The following RIMKLA variants were observed in gnomAD, a reference collection of about 807,000 sequenced individuals.
RIMKLA encodes N-acetylaspartylglutamate synthase A.
RIMKLA carries 14 observed loss-of-function variants against 32.7 expected under a neutral mutation model. The ratio of observed to expected loss-of-function variants is 0.43; its 90% CI spans 0.28 to 0.67. The LOEUF is 0.67. Among genes scored for constraint, RIMKLA ranks in the 30% least tolerant of loss-of-function variants. The pLI is 0.18. For missense variants in RIMKLA, 410 were observed against 519.0 expected (o/e 0.79, Z 2.04); for synonymous variants, 176 against 204.1 (o/e 0.86, Z 1.18).
Position 42,424,118 on chromosome 1 carries a change from T to C in RIMKLA, c.*9144T>C, listed in dbSNP as rs920077663. On this transcript the variant is annotated 3_prime_UTR_variant, in exon 5 of 5. Transcript: ENST00000431473. ...GACAACTGGTCTGTACTGTATTGCC[T>C]GATAGTATCATATCAATGTCAATTT... Among the ~76,000 whole-genome samples the C allele has an allele frequency of 6.6e-6, 1 of 152,244 alleles. No individual in the cohort carries two copies. The highest frequency in any genetic ancestry group is 1.5e-5 in the Non-Finnish European group (1 of 68,040).
rs764472229 is a variant in RIMKLA, at chr1:42,414,460, T to C, written c.686-24T>C. The stretch of plus-strand genomic sequence containing the variant: ...CATCTGACTTCTCAGTTGTCACCTT[T>C]ACATCACTGTGCTTTCCCCACAGGT... On this transcript the variant is annotated intron_variant, in intron 4 of 4. Coordinates refer to ENST00000431473, the MANE Select transcript of RIMKLA (RefSeq NM_173642.4). The C allele has an allele frequency of 6.8e-6, 11 of 1,610,382 alleles. No homozygotes were observed. In the African/African-American group the frequency reaches 1.5e-4, roughly 22 times the overall value.
chr1:42,388,623 A>G (rs1316716293), intron 1 of RIMKLA, among the ~76,000 whole-genome samples: 1 of 151,030 alleles, frequency 6.6e-6, no homozygotes, highest in Non-Finnish European at 1.5e-5. Context: ...AGGTTCAAGC[A>G]GTTCTCTGCC....
chr1:42,385,841 TTTC>T (rs1557749904), intron 1 of RIMKLA, among the ~76,000 whole-genome samples: 46 of 78,194 alleles, frequency 5.9e-4, no homozygotes, highest in Non-Finnish European at 1.1e-3. Context: ...TCTTTCTTTC[TTTC>T]TCTTTCTTTC....
At chr1:42,411,905 T>C (rs1159754601) in intron 4 of RIMKLA, among the ~76,000 whole-genome samples, 3 of 152,136 alleles carry the variant, frequency 2.0e-5, no homozygotes, top group South Asian at 2.1e-4. Flanking sequence ...CTCCTGACCT[T>C]GTGATCTGCC....
intron 4 of RIMKLA, among the ~76,000 whole-genome samples, chr1:42,414,002 C>G (rs556269133): frequency 2.6e-5 from 4 of 151,658 alleles, no homozygotes; most frequent in Non-Finnish European, 1.5e-5. Flanking sequence ...GCAATCCTCT[C>G]ACGTCAGCCT....
chr1:42,410,305 T>G, intron 4 of RIMKLA, 118 bp downstream of exon 4: 1 of 821,438 alleles, frequency 1.2e-6, no homozygotes, highest in Non-Finnish European at 1.9e-6. Flanking sequence ...CAGATGAGAA[T>G]GAGGAACAAA....
At chr1:42,397,845 A>G (rs1410095010) in intron 1 of RIMKLA, among the ~76,000 whole-genome samples, 1 of 152,200 alleles carries the variant, frequency 6.6e-6, no homozygotes, top group Admixed American at 6.5e-5. Flanking sequence ...CTCATGCCAT[A>G]TCCTGTCTGC....
intron 2 of RIMKLA, among the ~76,000 whole-genome samples, chr1:42,402,026 G>A (rs1358090811): frequency 6.6e-6 from 1 of 152,156 alleles, no homozygotes; most frequent in Non-Finnish European, 1.5e-5. Flanking sequence ...GCTTATCAGC[G>A]GGATGGCGGG....
intron 4 of RIMKLA, among the ~76,000 whole-genome samples, chr1:42,411,413 T>A (rs1334841865): frequency 6.6e-6 from 1 of 152,018 alleles, no homozygotes; most frequent in African/African-American, 2.4e-5. Context: ...TAGATTCAGG[T>A]TGACACACTA....
Position 42,405,984 on chromosome 1 carries a change from A to G in RIMKLA, c.481+1387A>G, listed in dbSNP as rs540753076. Among the ~76,000 whole-genome samples the G allele has an allele frequency of 1.7e-3, 261 of 152,326 alleles. 1 individual carries two copies. Among genetic ancestry groups the G allele is most frequent in the Middle Eastern group, 0.014 (4 of 294 alleles). On this transcript the variant is annotated intron_variant, in intron 3 of 4. Coordinates refer to ENST00000431473, the MANE Select transcript of RIMKLA (RefSeq NM_173642.4). The stretch of plus-strand genomic sequence containing the variant: ...CAAAGTGGGACTCTTAGTGCGATGC[A>G]GATGTGCTACTGAGCTCAATTTCAA...
chr1:42,414,404 TG>T, intron 4 of RIMKLA, 79 bp from the exon 5 acceptor site: 1 of 1,453,814 alleles, frequency 6.9e-7, no homozygotes. Flanking sequence ...CTGCCCCTCC[TG>T]GGCAGATCCC....
chr1:42,386,977 G>C (rs1428132307), intron 1 of RIMKLA, among the ~76,000 whole-genome samples: 2 of 151,792 alleles, frequency 1.3e-5, no homozygotes, highest in Admixed American at 1.3e-4. Context: ...TGAGGCAGGA[G>C]AATCACTTGA....
At chr1:42,393,827 A>G (rs996689945) in intron 1 of RIMKLA, among the ~76,000 whole-genome samples, 1 of 152,098 alleles carries the variant, frequency 6.6e-6, no homozygotes, top group Admixed American at 6.5e-5. Context: ...CTTGTCCCCC[A>G]GGGCTGGAGT....
In RIMKLA at chr1:42,414,811, G is replaced by A. The variant is rs1643231600; in HGVS notation, c.1013G>A (p.Ser338Asn). 1 of 1,614,212 alleles carries A rather than the reference G, an allele frequency of 6.2e-7. No individual in the cohort carries two copies. ...GCTTCAGCTCAGGGAGTTGCAGAGA[G>A]CGTCTATACCATCAACAGTGGGTCT... ...GCASAQGVAESVYTINSGSTS... is the reference protein window; with the variant it reads ...GCASAQGVAENVYTINSGSTS... Residue 338 changes from serine to asparagine, a missense_variant, in exon 5 of 5, where the codon AGC becomes AAC. By Grantham distance (46) the Ser-to-Asn change is conservative. Transcript: ENST00000431473.
At chr1:42,414,447 C>A in intron 4 of RIMKLA, 37 bp from the exon 5 acceptor site, 1 of 1,600,646 alleles carries the variant, frequency 6.2e-7, no homozygotes, top group South Asian at 1.1e-5. Flanking sequence ...TCTGACTTCT[C>A]AGTTGTCACC....
At chr1:42,386,186 A>C (rs12088624) in intron 1 of RIMKLA, among the ~76,000 whole-genome samples, 2 of 151,472 alleles carry the variant, frequency 1.3e-5, no homozygotes, top group Non-Finnish European at 2.9e-5. Context: ...GCCTCCAAAA[A>C]TGCTGGTATT....
chr1:42,387,889 CAG>C (rs372630079), intron 1 of RIMKLA, among the ~76,000 whole-genome samples: 34 of 151,976 alleles, frequency 2.2e-4, no homozygotes, highest in Middle Eastern at 6.8e-3. Context: ...AAGAAGAAAA[CAG>C]AATGTTTCTG....
intron 1 of RIMKLA, among the ~76,000 whole-genome samples, chr1:42,388,810 C>A (rs935644161): frequency 1.3e-5 from 2 of 152,218 alleles, no homozygotes; most frequent in African/African-American, 2.4e-5. Flanking sequence ...GCTACTGTGC[C>A]TGGCCTCCAC....
At chr1:42,386,537 A>G (rs964859368) in intron 1 of RIMKLA, among the ~76,000 whole-genome samples, 1 of 151,648 alleles carries the variant, frequency 6.6e-6, no homozygotes, top group Non-Finnish European at 1.5e-5. Context: ...ACACAAACCT[A>G]CAACATATTC....
Sources: gnomAD v4.1 joint callset for allele counts (sites outside exome capture counted in the v4.1 genomes callset) on GRCh38, gnomAD v4.1.1 for gene constraint, MANE v1.5 for transcripts, NCBI Gene and HGNC (gene_info 2026-07-23, HGNC 2026-07-21) for gene names.